The following UNC5C variants were observed in gnomAD, a reference collection of about 807,000 sequenced individuals.
UNC5C encodes the protein unc-5 netrin receptor C, also known as netrin receptor UNC5C.
A neutral mutation model predicts 99.8 loss-of-function variants in UNC5C; 47 were observed. That is an observed-to-expected ratio of 0.47 (90% CI 0.37 to 0.60). The LOEUF (loss-of-function observed/expected upper bound fraction) is 0.60. Ranked by LOEUF, UNC5C falls within the 20% of genes least tolerant of loss-of-function variation. The pLI is 0.00. For missense variants in UNC5C, 1,062 were observed against 1,165.9 expected, an observed-to-expected ratio of 0.91 and a Z score of 1.30; for synonymous variants, 487 against 452.2, an observed-to-expected ratio of 1.08 and a Z score of -0.98.
In UNC5C at chr4:95,430,321, A is replaced by T. The variant is rs551010513; in HGVS notation, c.125-94690T>A. Among the ~76,000 whole-genome samples, 25 of 152,240 alleles carry T rather than the reference A, an allele frequency of 1.6e-4. No individual in the cohort carries two copies. In the South Asian group the frequency reaches 4.4e-3, roughly 27 times the overall value. On this transcript the variant is annotated intron_variant, in intron 1 of 15. Coordinates refer to ENST00000453304, the MANE Select transcript of UNC5C (RefSeq NM_003728.4). ...CTCAAATTTGCTGTGAACTTCAAAA[A>T]GTCTTTAAAATAATTTTCAGTCGGA...
chr4:95,356,193 C>CAAA (rs59097041), intron 1 of UNC5C, among the ~76,000 whole-genome samples: 33 of 57,896 alleles, frequency 5.7e-4, no homozygotes, highest in Non-Finnish European at 7.3e-4. Flanking sequence ...GACCCTGTAG[C>CAAA]AAAAAAAAAA....
intron 1 of UNC5C, among the ~76,000 whole-genome samples, chr4:95,392,782 T>A (rs1287412996): frequency 6.6e-6 from 1 of 152,042 alleles, no homozygotes; most frequent in Non-Finnish European, 1.5e-5. Flanking sequence ...AGAAATCTTA[T>A]CACTACAAAG....
intron 12 of UNC5C, among the ~76,000 whole-genome samples, chr4:95,191,503 C>T (rs561331129): frequency 1.3e-5 from 2 of 152,062 alleles, no homozygotes; most frequent in East Asian, 1.9e-4. Context: ...GCTAGTGCTC[C>T]GGACCCTGGC....
chr4:95,335,631 T>C lies in UNC5C; in HGVS notation c.125A>G (p.Asp42Gly). Residue 42 changes from aspartate to glycine, a missense_variant and splice_region_variant, in exon 2 of 16, where the codon GAT becomes GGT. Physicochemically the swap from Asp to Gly is moderately conservative, Grantham distance 94. Around this residue, in one of 3 missense-constraint regions of UNC5C, gnomAD observed 249 missense variants for 295.1 expected, o/e 0.84. Coordinates refer to ENST00000453304, the MANE Select transcript of UNC5C (RefSeq NM_003728.4). ...TGGGAGTTCATGAAAAAAGTCATCA[T>C]CTGAGAAAGAAGAAGAAAGTGGAAG... ...SASGTGSAAQ[D>G]DDFFHELPET... 6.2e-7 allele frequency: 1 copy of C among 1,603,940 alleles called. No individual in the cohort carries two copies.
chr4:95,532,999 G>A (rs1022256536), intron 1 of UNC5C, among the ~76,000 whole-genome samples: 4 of 152,074 alleles, frequency 2.6e-5, no homozygotes, highest in Non-Finnish European at 5.9e-5. Context: ...TGAGGAGAGT[G>A]AGAAAGGACA....
intron 1 of UNC5C, among the ~76,000 whole-genome samples, chr4:95,478,102 T>A (rs184848271): frequency 1.6e-4 from 25 of 152,104 alleles, no homozygotes; most frequent in Non-Finnish European, 3.2e-4. Flanking sequence ...CAAAACCCAA[T>A]ACCAAATTTG....
intron 1 of UNC5C, among the ~76,000 whole-genome samples, chr4:95,352,323 C>A (rs1744020082): frequency 6.6e-6 from 1 of 152,092 alleles, no homozygotes; most frequent in Non-Finnish European, 1.5e-5. Flanking sequence ...TTCACACTTG[C>A]CCTTCACTTC....
chr4:95,288,988 A>C (rs892122842), intron 3 of UNC5C, among the ~76,000 whole-genome samples: 2 of 152,330 alleles, frequency 1.3e-5, no homozygotes, highest in East Asian at 3.9e-4. Flanking sequence ...GGTTACAAGC[A>C]TGGAGCCTGG....
intron 1 of UNC5C, among the ~76,000 whole-genome samples, chr4:95,483,677 G>T (rs1015660031): frequency 6.6e-6 from 1 of 151,774 alleles, no homozygotes; most frequent in Non-Finnish European, 1.5e-5. Flanking sequence ...TGACCTGAAG[G>T]GTTCCCTCTC....
intron 1 of UNC5C, 52 bp from the exon 2 acceptor site, chr4:95,335,683 C>G (rs755524668): frequency 1.4e-6 from 2 of 1,413,458 alleles, no homozygotes; most frequent in South Asian, 1.4e-5. Flanking sequence ...AACAACTTGC[C>G]TTCTACTTGC....
At chr4:95,317,295 A>C (rs1579319708) in intron 2 of UNC5C, among the ~76,000 whole-genome samples, 1 of 152,194 alleles carries the variant, frequency 6.6e-6, no homozygotes, top group African/African-American at 2.4e-5. Flanking sequence ...GCTGTTTAGC[A>C]CTTGCTAGGA....
chr4:95,182,526 A>AGAT (rs1264173983), intron 14 of UNC5C, among the ~76,000 whole-genome samples: 2 of 152,122 alleles, frequency 1.3e-5, no homozygotes, highest in Admixed American at 6.5e-5. Flanking sequence ...GAGGAGAGAC[A>AGAT]GATGGAGGAT....
intron 1 of UNC5C, among the ~76,000 whole-genome samples, chr4:95,448,482 A>T (rs934461199): frequency 6.6e-6 from 1 of 152,142 alleles, no homozygotes; most frequent in African/African-American, 2.4e-5. Flanking sequence ...ATTTAAATGG[A>T]TATGAAATCA....
intron 12 of UNC5C, among the ~76,000 whole-genome samples, chr4:95,189,409 C>T (rs1736974104): frequency 6.6e-6 from 1 of 152,212 alleles, no homozygotes; most frequent in South Asian, 2.1e-4. Flanking sequence ...CCTCAGCCTC[C>T]CAAGTAGCTG....
At chr4:95,377,917 C>T (rs558822917) in intron 1 of UNC5C, among the ~76,000 whole-genome samples, 7 of 152,244 alleles carry the variant, frequency 4.6e-5, no homozygotes, top group South Asian at 2.1e-4. Context: ...GATTCCTTCT[C>T]GATAACTGAC....
chr4:95,262,499 G>A (rs1364114298), intron 4 of UNC5C, among the ~76,000 whole-genome samples: 1 of 152,096 alleles, frequency 6.6e-6, no homozygotes, highest in Non-Finnish European at 1.5e-5. Flanking sequence ...TAGGCTAAAT[G>A]AGCTACCTAG....
At chr4:95,454,824 T>C (rs1747383460) in intron 1 of UNC5C, among the ~76,000 whole-genome samples, 1 of 152,116 alleles carries the variant, frequency 6.6e-6, no homozygotes. Context: ...TTGACACCTA[T>C]AAAACTCATT....
intron 1 of UNC5C, among the ~76,000 whole-genome samples, chr4:95,371,931 C>G (rs1744760478): frequency 6.6e-6 from 1 of 152,142 alleles, no homozygotes. Context: ...GATTTTCAAG[C>G]TATGTGTCTT....
chr4:95,291,423 A>C (rs560624028), intron 3 of UNC5C, among the ~76,000 whole-genome samples: 123 of 152,346 alleles, frequency 8.1e-4, no homozygotes, highest in Non-Finnish European at 1.6e-3. Context: ...TTCACTTTTC[A>C]TACAGCATAA....
Sources: gnomAD v4.1 joint callset for allele counts (sites outside exome capture counted in the v4.1 genomes callset) on GRCh38, gnomAD v4.1.1 for gene constraint, gnomAD v4.1.1 regional missense constraint, MANE v1.5 for transcripts, NCBI Gene and HGNC (gene_info 2026-07-23, HGNC 2026-07-21) for gene names.